Variants in CEP85L observed in about 807,000 individuals in gnomAD.
CEP85L encodes centrosomal protein of 85 kDa-like.
Under a neutral mutation model 100.3 loss-of-function variants are expected in CEP85L, and 60 were observed. That is an observed-to-expected ratio of 0.60 (90% CI 0.49 to 0.74). The LOEUF (loss-of-function observed/expected upper bound fraction) is 0.74, where lower values mean the gene tolerates loss of function less well. CEP85L is among the 30% of genes least tolerant of loss of function. The pLI, the probability that CEP85L is intolerant of heterozygous loss-of-function variation, is 0.00. For missense variants in CEP85L, 973 were observed against 936.2 expected (o/e 1.04, Z -0.51); for synonymous variants, 319 against 322.7 (o/e 0.99, Z 0.12).
rs1257628528 is a variant in CEP85L, at chr6:118,565,784, T to C, written c.765A>G (p.Thr255=). 1.2e-6 allele frequency: 2 copies of C among 1,614,062 alleles called. No homozygotes were observed. Among genetic ancestry groups the C allele is most frequent in the Non-Finnish European group, 1.7e-6 (2 of 1,180,018 alleles). The change falls in exon 3 of 13, where the codon ACA becomes ACG. Residue 255 remains threonine (T), a synonymous_variant. Transcript: ENST00000368491. ...STLRRQPVDM[T]YSALPESKPI... ...GCTTGCTTTCAGGTAAGGCACTATA[T>C]GTCATGTCTACAGGCTGTCTCCTAA...
intron 2 of CEP85L, among the ~76,000 whole-genome samples, chr6:118,610,593 T>C (rs903768627): frequency 3.3e-5 from 5 of 152,130 alleles, no homozygotes; most frequent in Admixed American, 6.5e-5. Context: ...CTCTTCCTTA[T>C]CCCTCAGGTA....
intron 2 of CEP85L, among the ~76,000 whole-genome samples, chr6:118,609,622 A>G (rs940208748): frequency 2.0e-5 from 3 of 152,196 alleles, no homozygotes; most frequent in Non-Finnish European, 4.4e-5. Context: ...CAAAAAGTAA[A>G]GCATGGAAAC....
intron 1 of CEP85L, among the ~76,000 whole-genome samples, chr6:118,681,748 CTTTTTT>C (rs199966143): frequency 6.4e-5 from 8 of 124,750 alleles, no homozygotes; most frequent in Non-Finnish European, 8.5e-5. Context: ...ATAATTATTT[CTTTTTT>C]TTTTTTTTTT....
chr6:118,674,056 T>C (rs1776398761), intron 1 of CEP85L, among the ~76,000 whole-genome samples: 2 of 152,188 alleles, frequency 1.3e-5, no homozygotes, highest in Admixed American at 6.5e-5. Context: ...AACTATAAAA[T>C]TCTTACTAGA....
intron 1 of CEP85L, among the ~76,000 whole-genome samples, chr6:118,634,226 A>C (rs2115328752): frequency 7.0e-6 from 1 of 143,882 alleles, no homozygotes; most frequent in African/African-American, 2.6e-5. Context: ...ACAAAACAAC[A>C]AACGTGCATA....
chr6:118,580,771 G>A (rs1272065002), intron 2 of CEP85L, among the ~76,000 whole-genome samples: 1 of 152,186 alleles, frequency 6.6e-6, no homozygotes, highest in African/African-American at 2.4e-5. Context: ...CAGCTATCCG[G>A]TCATGAAACT....
intron 12 of CEP85L, among the ~76,000 whole-genome samples, 170 bp from the exon 13 acceptor site, chr6:118,465,738 T>C (rs1021363773): frequency 8.5e-5 from 13 of 152,202 alleles, no homozygotes; most frequent in Non-Finnish European, 1.5e-5. Context: ...ACAGATCTTA[T>C]CCACTTGGTC....
At chr6:118,522,141 A>C (rs1776706066) in intron 4 of CEP85L, among the ~76,000 whole-genome samples, 1 of 152,130 alleles carries the variant, frequency 6.6e-6, no homozygotes, top group Non-Finnish European at 1.5e-5. Context: ...CTGGTGGATC[A>C]CCTGAGGTCG....
intron 1 of CEP85L, among the ~76,000 whole-genome samples, chr6:118,634,759 G>C (rs763173293): frequency 2.0e-5 from 3 of 152,018 alleles, no homozygotes; most frequent in Non-Finnish European, 2.9e-5. Context: ...CCATCTAAAT[G>C]AGCTCAAAGT....
At chr6:118,596,541 G>A (rs1781465027) in intron 2 of CEP85L, among the ~76,000 whole-genome samples, 1 of 152,058 alleles carries the variant, frequency 6.6e-6, no homozygotes, top group Non-Finnish European at 1.5e-5. Context: ...AGGAAGGAAA[G>A]CACACACTAA....
At position 118,481,881 on chromosome 6, in the gene CEP85L, G is replaced by T. The variant is rs371924081; in HGVS notation, c.1643C>A (p.Thr548Lys). ...TTTGATCTCTTCAAGTTTTTTTTCTGTATCTATCAAAGCCTCTTGTAAATT... is the reference window on the plus strand; with the variant it reads ...TTTGATCTCTTCAAGTTTTTTTTCTTTATCTATCAAAGCCTCTTGTAAATT... Reference protein sequence around the residue: ...NKNLQEALIDTEKKLEEIKKQ... With the variant: ...NKNLQEALIDKEKKLEEIKKQ... The change falls in exon 8 of 13, where the codon ACA becomes AAA. Residue 548 changes from threonine to lysine, a missense_variant. Physicochemically the swap from Thr to Lys is moderately conservative, Grantham distance 78. Around this residue, in one of 3 missense-constraint regions of CEP85L, gnomAD observed 890 missense variants for 844.5 expected, o/e 1.05. Transcript: ENST00000368491. The T allele has an allele frequency of 6.3e-6, 10 of 1,584,758 alleles. No individual in the cohort carries two copies. The South Asian group carries it at 8.1e-5, about 13-fold the overall frequency.
intron 1 of CEP85L, among the ~76,000 whole-genome samples, chr6:118,632,820 T>C (rs1050669319): frequency 9.8e-5 from 15 of 152,370 alleles, no homozygotes; most frequent in African/African-American, 3.6e-4. Context: ...TTCCTCTAGC[T>C]GAAGAACTCT....
chr6:118,491,490 G>C (rs1406991124), intron 6 of CEP85L, 196 bp downstream of exon 6: 2 of 1,339,596 alleles, frequency 1.5e-6, no homozygotes, highest in Non-Finnish European at 1.9e-6. Flanking sequence ...ATATACAAGA[G>C]CATTTCTATC....
At chr6:118,651,036 C>T (rs1300200368) in intron 1 of CEP85L, among the ~76,000 whole-genome samples, 161 bp downstream of exon 1, 1 of 152,144 alleles carries the variant, frequency 6.6e-6, no homozygotes, top group Non-Finnish European at 1.5e-5. Context: ...CATATGTCAG[C>T]CCGGGTGCTG....
At chr6:118,491,145 A>C (rs903739201) in intron 6 of CEP85L, among the ~76,000 whole-genome samples, 1 of 151,340 alleles carries the variant, frequency 6.6e-6, no homozygotes, top group Admixed American at 6.6e-5. Context: ...ACTCGTTTAC[A>C]TTCTCACCAA....
Position 118,651,214 on chromosome 6 carries a change from G to C in CEP85L, c.56C>G (p.Ala19Gly). The C allele has an allele frequency of 6.7e-7, 1 of 1,496,514 alleles. No homozygotes were observed. The highest frequency in any genetic ancestry group is 1.2e-5 in the South Asian group (1 of 80,196). The allele number at this position is 1,496,514 out of a possible 1,614,324, so 92.7% of individuals were successfully genotyped here. Residue 19 changes from alanine (A) to glycine (G), a missense_variant, in exon 1 of 13, where the codon GCC becomes GGC. This residue lies in a region of CEP85L where 79 missense variants were observed against 73.3 expected (regional missense o/e 1.08). Transcript: ENST00000368491. ...TTCCTTACCGGCAGGGAAGCTGCGG[G>C]CTCCGCCGGGGCTATCCCGGCCGCT... ...EASGRDSPGGARSFPAGPDYS... is the reference protein window; with the variant it reads ...EASGRDSPGGGRSFPAGPDYS...
At chr6:118,553,156 A>G (rs1778648755) in intron 3 of CEP85L, among the ~76,000 whole-genome samples, 1 of 151,094 alleles carries the variant, frequency 6.6e-6, no homozygotes, top group African/African-American at 2.4e-5. Flanking sequence ...AAACTAAACT[A>G]TTTTTGTATG....
chr6:118,479,090 G>T (rs1259615833), intron 10 of CEP85L, among the ~76,000 whole-genome samples: 1 of 152,074 alleles, frequency 6.6e-6, no homozygotes, highest in Non-Finnish European at 1.5e-5. Context: ...ACAATCTAGA[G>T]GTTCTAATGG....
At chr6:118,548,259 G>T (rs906597948) in intron 3 of CEP85L, 2 of 151,926 alleles carry the variant, frequency 1.3e-5, no homozygotes. Context: ...GACCTCCCTA[G>T]AACACTTTTT....
Sources: gnomAD v4.1 joint callset for allele counts (sites outside exome capture counted in the v4.1 genomes callset) on GRCh38, gnomAD v4.1.1 for gene constraint, gnomAD v4.1.1 regional missense constraint, MANE v1.5 for transcripts, NCBI Gene and HGNC (gene_info 2026-07-23, HGNC 2026-07-21) for gene names.